Variants in STXBP4 observed in about 807,000 individuals in gnomAD.
STXBP4 encodes the protein syntaxin-binding protein 4.
In STXBP4, 55 loss-of-function variants were observed where a neutral mutation model predicts 76.1. The observed-to-expected ratio is 0.72, with a 90% CI of 0.58 to 0.91. The LOEUF (loss-of-function observed/expected upper bound fraction) is 0.91, where lower values mean the gene tolerates loss of function less well. Ranked by LOEUF, STXBP4 falls within the 40% of genes least tolerant of loss-of-function variation. The pLI is 0.00. For synonymous variants in STXBP4, 201 were observed against 220.2 expected (o/e 0.91, Z 0.77); for missense variants, 618 against 636.9 (o/e 0.97, Z 0.32).
At chr17:55,009,659 C>A (rs1484461139) in intron 8 of STXBP4, among the ~76,000 whole-genome samples, 1 of 151,990 alleles carries the variant, frequency 6.6e-6, no homozygotes, top group Non-Finnish European at 1.5e-5. Context: ...TCAAAGAAAC[C>A]CACATTTGAT....
intron 9 of STXBP4, among the ~76,000 whole-genome samples, chr17:55,032,985 A>G (rs2078535588): frequency 6.6e-6 from 1 of 152,192 alleles, no homozygotes; most frequent in African/African-American, 2.4e-5. Flanking sequence ...AGAGATTTGG[A>G]GAAATCCTCC....
chr17:55,122,477 A>G (rs949836656), intron 16 of STXBP4, among the ~76,000 whole-genome samples: 4 of 152,186 alleles, frequency 2.6e-5, no homozygotes, highest in Admixed American at 6.5e-5. Context: ...AAATGAAGGA[A>G]TGGAGTCTAT....
At chr17:54,970,645 C>T (rs1201827927) in intron 1 of STXBP4, among the ~76,000 whole-genome samples, 12 of 152,174 alleles carry the variant, frequency 7.9e-5, no homozygotes, top group Non-Finnish European at 4.4e-5. Flanking sequence ...TGAGATTTCT[C>T]AAAGTTTAAT....
intron 16 of STXBP4, among the ~76,000 whole-genome samples, chr17:55,104,737 G>C (rs1453532633): frequency 1.3e-5 from 2 of 152,110 alleles, no homozygotes; most frequent in Non-Finnish European, 2.9e-5. Flanking sequence ...GTAGAATTTG[G>C]CTGTGAATCT....
Position 55,081,197 on chromosome 17 carries a change from AT to A in STXBP4, c.1489+20del. 1.4e-6 allele frequency: 2 copies of A among 1,428,020 alleles called. No homozygotes were observed. The highest frequency in any genetic ancestry group is 3.1e-5 in the Admixed American group (1 of 32,738). 88.5% of individuals were successfully genotyped at this position (1,428,020 alleles called of 1,614,324 possible). Reference sequence around the variant, plus strand: ...TTGATATGGATTGTAAGTTTTCTGCATTTTTTCACTTTTTAAAAGTAATTTA... The same window carrying A: ...TTGATATGGATTGTAAGTTTTCTGCATTTTTCACTTTTTAAAAGTAATTTA... On this transcript the variant is annotated intron_variant, in intron 16 of 17. Coordinates refer to ENST00000376352, the MANE Select transcript of STXBP4 (RefSeq NM_178509.6).
chr17:55,134,142 T>G (rs1001029106), intron 16 of STXBP4, among the ~76,000 whole-genome samples: 2 of 152,046 alleles, frequency 1.3e-5, no homozygotes, highest in Admixed American at 1.3e-4. Flanking sequence ...GAGGATTGCA[T>G]GAGGTATGAC....
the STXBP4 span, among the ~76,000 whole-genome samples, chr17:55,204,185 C>G: frequency 6.6e-6 from 1 of 151,818 alleles, no homozygotes; most frequent in Non-Finnish European, 1.5e-5. Flanking sequence ...TTCCAGTTCA[C>G]TAATTGTCTC....
At chr17:55,124,107 G>C (rs2079878013) in intron 16 of STXBP4, among the ~76,000 whole-genome samples, 1 of 152,148 alleles carries the variant, frequency 6.6e-6, no homozygotes, top group African/African-American at 2.4e-5. Context: ...ATCTTATCAA[G>C]GGTGTTTAGG....
rs2078818228 is a variant in STXBP4 at position 55,048,368 on chromosome 17, T to G, written c.1011+1214T>G. ...AGAGAGTGCTCTTGAACTAAGAACT[T>G]TTTCTGTGAAATAAAAAAGTATAGA... On this transcript the variant is annotated intron_variant, in intron 12 of 17. Coordinates refer to ENST00000376352, the MANE Select transcript of STXBP4 (RefSeq NM_178509.6). 2.6e-5 allele frequency among the ~76,000 whole-genome samples: 4 copies of G among 151,870 alleles called. No individual in the cohort carries two copies. The South Asian group carries it at 8.3e-4, about 31-fold the overall frequency.
intron 10 of STXBP4, among the ~76,000 whole-genome samples, chr17:55,038,664 A>G (rs1372554238): frequency 6.6e-6 from 1 of 151,416 alleles, no homozygotes; most frequent in Admixed American, 6.6e-5. Flanking sequence ...TTATATGCAG[A>G]AAGGGCAAGG....
At chr17:55,071,673 T>C (rs999998299) in intron 12 of STXBP4, among the ~76,000 whole-genome samples, 2 of 152,312 alleles carry the variant, frequency 1.3e-5, no homozygotes, top group East Asian at 3.9e-4. Context: ...AAACAGAACC[T>C]GACACATAAT....
chr17:55,188,333 A>G, the STXBP4 span, among the ~76,000 whole-genome samples: 1 of 152,190 alleles, frequency 6.6e-6, no homozygotes, highest in African/African-American at 2.4e-5. Flanking sequence ...TTTAGACTAT[A>G]TGCTCCCTGG....
At chr17:54,976,746 T>A (rs1477410485) in intron 1 of STXBP4, among the ~76,000 whole-genome samples, 1 of 152,156 alleles carries the variant, frequency 6.6e-6, no homozygotes, top group Non-Finnish European at 1.5e-5. Flanking sequence ...GTGGTCTAGG[T>A]TGCATGCTCC....
intron 8 of STXBP4, 54 bp from the exon 9 acceptor site, chr17:55,031,114 T>G: frequency 7.3e-7 from 1 of 1,371,322 alleles, no homozygotes; most frequent in Non-Finnish European, 1.0e-6. Flanking sequence ...TAATGAAAAG[T>G]TTTATTCTTT....
At chr17:55,208,553 G>T in the STXBP4 span, among the ~76,000 whole-genome samples, 1 of 106,910 alleles carries the variant, frequency 9.4e-6, no homozygotes, top group African/African-American at 3.6e-5. Flanking sequence ...AAGGAAGGAA[G>T]CAAGGAAGGA....
intron 16 of STXBP4, among the ~76,000 whole-genome samples, chr17:55,095,600 C>T (rs570318376): frequency 6.6e-6 from 1 of 152,288 alleles, no homozygotes; most frequent in East Asian, 1.9e-4. Flanking sequence ...CTGCCTTCAA[C>T]AACAGAGTAT....
chr17:55,078,577 C>T, intron 14 of STXBP4, 109 bp from the exon 15 acceptor site: 2 of 677,564 alleles, frequency 3.0e-6, no homozygotes, highest in Non-Finnish European at 5.1e-6. Flanking sequence ...ATAATAGAAG[C>T]ATCAGTTTAA....
chr17:55,012,988 G>A (rs1024062586), intron 8 of STXBP4, among the ~76,000 whole-genome samples: 3 of 152,232 alleles, frequency 2.0e-5, no homozygotes, highest in Non-Finnish European at 4.4e-5. Context: ...AATAGAGCCT[G>A]ATATTTAAGT....
At chr17:55,066,255 G>C (rs905866415) in intron 12 of STXBP4, among the ~76,000 whole-genome samples, 2 of 151,500 alleles carry the variant, frequency 1.3e-5, no homozygotes, top group African/African-American at 4.9e-5. Context: ...ACAGAGTCTC[G>C]CTGTGTCACC....
Sources: allele counts gnomAD v4.1 joint callset (sites outside exome capture counted in the v4.1 genomes callset), GRCh38; gene constraint gnomAD v4.1.1; transcripts MANE v1.5; gene names NCBI Gene and HGNC (gene_info 2026-07-23, HGNC 2026-07-21).